The following UTS2B variants were observed in gnomAD, a reference collection of about 807,000 sequenced individuals.
The protein encoded by UTS2B is urotensin 2B.
A neutral mutation model predicts 19.2 loss-of-function variants in UTS2B; 21 were observed. The ratio of observed to expected loss-of-function variants is 1.09; its 90% CI spans 0.78 to 1.58. The LOEUF (loss-of-function observed/expected upper bound fraction) is 1.58, where lower values mean the gene tolerates loss of function less well. Among genes scored for constraint, UTS2B ranks in the 40% most tolerant of loss-of-function variants. UTS2B has a pLI of 0.00. For synonymous variants in UTS2B, 57 were observed against 50.2 expected (o/e 1.14, Z -0.58); for missense variants, 138 against 130.3 (o/e 1.06, Z -0.29).
At chr3:191,329,413 T>TCCGGGC (rs1717860305) in intron 1 of UTS2B, 1 of 415,062 alleles carries the variant, frequency 2.4e-6, no homozygotes, top group Non-Finnish European at 4.2e-6. Context: ...CTCCGGATAT[T>TCCGGGC]TGGTATCGAT....
chr3:191,278,041 T>C lies in UTS2B; in HGVS notation c.202+31A>G, dbSNP rs752091496. 5.2e-6 allele frequency: 6 copies of C among 1,155,596 alleles called. No homozygotes were observed. The East Asian group carries it at 1.6e-4, about 31-fold the overall frequency. 71.6% of individuals were successfully genotyped at this position (1,155,596 alleles called of 1,614,324 possible). ...GACAAAATAAATTGTTATTTTTTAA[T>C]AAATAGAGCTTGACTTTATGTTTAA... On this transcript the variant is annotated intron_variant, in intron 6 of 8. Coordinates refer to ENST00000340524, the MANE Select transcript of UTS2B (RefSeq NM_198152.5).
intron 8 of UTS2B, among the ~76,000 whole-genome samples, chr3:191,269,433 G>C (rs1227702524): frequency 2.0e-5 from 3 of 151,724 alleles, no homozygotes; most frequent in African/African-American, 7.3e-5. Context: ...TGCGAAAGCA[G>C]AAGTCTATTT....
At chr3:191,314,158 G>C (rs928132709) in intron 3 of UTS2B, among the ~76,000 whole-genome samples, 2 of 152,062 alleles carry the variant, frequency 1.3e-5, no homozygotes, top group Admixed American at 6.6e-5. Context: ...CTCTCTCTGG[G>C]GTCTGGTTCA....
intron 3 of UTS2B, among the ~76,000 whole-genome samples, chr3:191,306,402 T>C (rs935867587): frequency 1.4e-4 from 21 of 152,248 alleles, no homozygotes; most frequent in African/African-American, 4.8e-4. Context: ...TACCACATTT[T>C]ATAATTTTCA....
Position 191,282,298 on chromosome 3 carries a change from C to T in UTS2B, c.-109G>A, listed in dbSNP as rs547504530. ...GCTTAGTTGCAAAAGGCAAGTGTGCCTCAGTTACGAATGATCTAGATGAAG... is the reference window on the plus strand; with the variant it reads ...GCTTAGTTGCAAAAGGCAAGTGTGCTTCAGTTACGAATGATCTAGATGAAG... On this transcript the variant is annotated 5_prime_UTR_variant, in exon 5 of 9. Coordinates refer to ENST00000340524, the MANE Select transcript of UTS2B (RefSeq NM_198152.5). 12 of 699,318 alleles carry T rather than the reference C, an allele frequency of 1.7e-5. No homozygotes were observed. The African/African-American group carries it at 1.8e-4, about 10-fold the overall frequency. The allele number at this position is 699,318 out of a possible 1,614,324, so 43.3% of individuals were successfully genotyped here.
In UTS2B at chr3:191,268,233, C is replaced by G. The variant is rs75617054; in HGVS notation, c.*183G>C. ...GGGAAGCAAGTGCTGTTGGCTCATTCTGGCAGTCCAACCTGGCATTGTCTT... is the reference window on the plus strand; with the variant it reads ...GGGAAGCAAGTGCTGTTGGCTCATTGTGGCAGTCCAACCTGGCATTGTCTT... On this transcript the variant is annotated 3_prime_UTR_variant, in exon 9 of 9. Transcript: ENST00000340524. 1.3e-3 allele frequency: 587 copies of G among 467,054 alleles called. 3 individuals are homozygous for G. The highest frequency in any genetic ancestry group is 0.011 in the African/African-American group (559 of 49,470). The allele number at this position is 467,054 out of a possible 1,614,324, so 28.9% of individuals were successfully genotyped here.
At chr3:191,273,818 T>A (rs1197538599) in intron 8 of UTS2B, among the ~76,000 whole-genome samples, 1 of 152,242 alleles carries the variant, frequency 6.6e-6, no homozygotes, top group Non-Finnish European at 1.5e-5. Context: ...TTGGAGTAAT[T>A]TTTGACACCT....
chr3:191,273,743 TCCAGTTATCCTTG>T (rs1339839505), intron 8 of UTS2B, among the ~76,000 whole-genome samples: 1 of 152,260 alleles, frequency 6.6e-6, no homozygotes, highest in Non-Finnish European at 1.5e-5. Flanking sequence ...TTTCTTCTCC[TCCAGTTATCCTTG>T]GCTCAATAAA....
At chr3:191,295,749 T>TA (rs1716841457) in intron 4 of UTS2B, among the ~76,000 whole-genome samples, 1 of 151,998 alleles carries the variant, frequency 6.6e-6, no homozygotes, top group Non-Finnish European at 1.5e-5. Flanking sequence ...CATGACCATT[T>TA]ACCCAGTAAT....
At chr3:191,303,612 A>C (rs1401773065) in intron 4 of UTS2B, among the ~76,000 whole-genome samples, 2 of 152,198 alleles carry the variant, frequency 1.3e-5, no homozygotes, top group Admixed American at 1.3e-4. Context: ...CGAGGTTTAA[A>C]ATCATTCAAG....
In UTS2B at chr3:191,282,107, C is replaced by T. The variant is rs1217962352; in HGVS notation, c.83G>A (p.Gly28Glu). 5 of 1,612,856 alleles carry T rather than the reference C, an allele frequency of 3.1e-6. No homozygotes were observed. The Admixed American group carries it at 6.7e-5, about 22-fold the overall frequency. ...CGTACCTTGGGTAAGATATGGTCGTCCATGCACAGATTGTAAAAAACTCAA... is the reference window on the plus strand; with the variant it reads ...CGTACCTTGGGTAAGATATGGTCGTTCATGCACAGATTGTAAAAAACTCAA... ...SVLSFLQSVH[G>E]RPYLTQGNEI... The change falls in exon 5 of 9, where the codon GGA becomes GAA. Residue 28 changes from glycine to glutamate, a missense_variant. Gly to Glu is a moderately conservative substitution (Grantham distance 98, BLOSUM62 -2). Transcript: ENST00000340524.
chr3:191,282,201 C>T lies in UTS2B; in HGVS notation c.-12G>A, dbSNP rs6444535. On this transcript the variant is annotated 5_prime_UTR_variant, in exon 5 of 9. Transcript: ENST00000340524. ...AGGATCTTGTTCATGTTAAAAAAAA[C>T]CTTCTGGACTAGCAAAGAAACAGAC... 0.58 allele frequency: 931,128 copies of T among 1,594,258 alleles called. 276,974 individuals carry two copies. The highest frequency in any genetic ancestry group is 0.61 in the Admixed American group (35,211 of 57,668).
At chr3:191,281,912 G>C (rs1287456442) in intron 5 of UTS2B, among the ~76,000 whole-genome samples, 175 bp downstream of exon 5, 1 of 152,074 alleles carries the variant, frequency 6.6e-6, no homozygotes, top group Non-Finnish European at 1.5e-5. Flanking sequence ...GAAAAGAACA[G>C]CATTGAAGAT....
chr3:191,321,391 T>C, intron 2 of UTS2B, among the ~76,000 whole-genome samples: 1 of 152,232 alleles, frequency 6.6e-6, no homozygotes, highest in Non-Finnish European at 1.5e-5. Flanking sequence ...CATCATTTAA[T>C]GAATGCAAGA....
Position 191,275,359 on chromosome 3 carries a change from A to G in UTS2B, c.241-14T>C, listed in dbSNP as rs1716202969. The stretch of plus-strand genomic sequence containing the variant: ...TAGCTTTTCCAGCTGATAAAATTGT[A>G]AAATGATAATTAATTGGTCTTCTAT... On this transcript the variant is annotated splice_polypyrimidine_tract_variant and intron_variant, in intron 7 of 8. Coordinates refer to ENST00000340524, the MANE Select transcript of UTS2B (RefSeq NM_198152.5). 1 of 1,603,888 alleles carries G rather than the reference A, an allele frequency of 6.2e-7. No homozygotes were observed. Among genetic ancestry groups the G allele is most frequent in the Non-Finnish European group, 8.5e-7 (1 of 1,171,040 alleles).
upstream of UTS2B, among the ~76,000 whole-genome samples, chr3:191,334,973 A>G (rs1718094936): frequency 6.6e-6 from 1 of 152,154 alleles, no homozygotes; most frequent in African/African-American, 2.4e-5. Context: ...TCTACCTGAA[A>G]AGTCTTGCAA....
At chr3:191,283,687 T>C (rs1233730700) in intron 4 of UTS2B, among the ~76,000 whole-genome samples, 4 of 152,184 alleles carry the variant, frequency 2.6e-5, no homozygotes. Context: ...TTCTAGTAAT[T>C]GAAAGGCAAA....
chr3:191,308,151 T>C (rs193293432), intron 3 of UTS2B, among the ~76,000 whole-genome samples: 222 of 152,260 alleles, frequency 1.5e-3, no homozygotes, highest in African/African-American at 4.9e-3. Context: ...TCCTTTCTGT[T>C]AGTGGAAAAC....
chr3:191,276,194 A>C (rs1022105614), intron 7 of UTS2B, among the ~76,000 whole-genome samples: 1 of 152,152 alleles, frequency 6.6e-6, no homozygotes, highest in Non-Finnish European at 1.5e-5. Flanking sequence ...CTAACTACAA[A>C]AGTAGGGTTC....
Sources: gnomAD v4.1 joint callset for allele counts (sites outside exome capture counted in the v4.1 genomes callset) on GRCh38, gnomAD v4.1.1 for gene constraint, MANE v1.5 for transcripts, NCBI Gene and HGNC (gene_info 2026-07-23, HGNC 2026-07-21) for gene names.